Variants in EFHD2 observed in about 807,000 individuals in gnomAD.
The protein encoded by EFHD2 is EF-hand domain-containing protein D2.
A neutral mutation model predicts 20.3 loss-of-function variants in EFHD2; 12 were observed. The observed-to-expected ratio is 0.59, with a 90% CI of 0.38 to 0.96. The LOEUF (loss-of-function observed/expected upper bound fraction) is 0.96, where lower values mean the gene tolerates loss of function less well. EFHD2 is among the 40% of genes least tolerant of loss of function. The pLI is 0.00. For synonymous variants in EFHD2, 131 were observed against 143.9 expected (o/e 0.91, Z 0.64); for missense variants, 250 against 334.3 (o/e 0.75, Z 1.97).
At chr1:15,418,637 G>GCCA (rs149995215) in intron 1 of EFHD2, among the ~76,000 whole-genome samples, 5 of 47,030 alleles carry the variant, frequency 1.1e-4, no homozygotes, top group East Asian at 2.7e-3. Flanking sequence ...GCCAAGATAG[G>GCCA]CCCCCCCTTA....
chr1:15,420,025 G>A (rs1283565339), intron 1 of EFHD2, among the ~76,000 whole-genome samples: 5 of 152,086 alleles, frequency 3.3e-5, no homozygotes, highest in African/African-American at 1.2e-4. Flanking sequence ...TTAGAGGAGA[G>A]GTCATGCTGG....
intron 1 of EFHD2, among the ~76,000 whole-genome samples, chr1:15,417,682 A>G (rs1051600877): frequency 3.3e-5 from 5 of 152,208 alleles, no homozygotes; most frequent in Non-Finnish European, 5.9e-5. Flanking sequence ...GGCTTTCCCT[A>G]TATGAGTCAG....
At chr1:15,410,675 C>G (rs1707473799) in intron 1 of EFHD2, among the ~76,000 whole-genome samples, 1 of 151,954 alleles carries the variant, frequency 6.6e-6, no homozygotes. Context: ...CACCCCACAC[C>G]GCACACACCG....
At position 15,426,294 on chromosome 1, in the gene EFHD2, AC is replaced by A. The variant is rs1311043252; in HGVS notation, c.456+279del. On this transcript the variant is annotated intron_variant, in intron 2 of 3. Coordinates refer to ENST00000375980, the MANE Select transcript of EFHD2 (RefSeq NM_024329.6). The surrounding 1 kb of genome is among the most constrained non-coding windows in gnomAD (Gnocchi z 4.6). Reference sequence around the variant, plus strand: ...ATATTGAGCGATTTCTGTATACTTGACCCTGTGCAGGCTCTGGGGTAGAGAA... The same window carrying A: ...ATATTGAGCGATTTCTGTATACTTGACCTGTGCAGGCTCTGGGGTAGAGAA... Among the ~76,000 whole-genome samples, 1 of 151,790 alleles carries A rather than the reference AC, an allele frequency of 6.6e-6. No individual in the cohort carries two copies. The highest frequency in any genetic ancestry group is 1.5e-5 in the Non-Finnish European group (1 of 67,948).
At chr1:15,422,085 A>ATTTTTTTT (rs71000400) in intron 1 of EFHD2, among the ~76,000 whole-genome samples, 1 of 86,634 alleles carries the variant, frequency 1.2e-5, no homozygotes, top group Non-Finnish European at 2.2e-5. Context: ...AGGTCATTCC[A>ATTTTTTTT]TTTTTTTTTT....
At position 15,429,201 on chromosome 1, in the gene EFHD2, G is replaced by T. The variant is rs1707924690; in HGVS notation, c.*477G>T. The T allele has an allele frequency of 1.2e-5, 2 of 172,320 alleles. No individual in the cohort carries two copies. The highest frequency in any genetic ancestry group is 2.5e-5 in the Non-Finnish European group (2 of 80,136). 10.7% of individuals were successfully genotyped at this position (172,320 alleles called of 1,614,324 possible). On this transcript the variant is annotated 3_prime_UTR_variant, in exon 4 of 4. Transcript: ENST00000375980. ...AGACGGCAGAAGAGATAGAATCAGG[G>T]CTGCCCCCACAGAGTGGGACCCAAG...
intron 1 of EFHD2, among the ~76,000 whole-genome samples, chr1:15,417,986 T>TC (rs199590126): frequency 0.012 from 1,051 of 85,266 alleles, 50 homozygotes; most frequent in East Asian, 0.099. Context: ...TTTTTCTTTT[T>TC]TTTTTTTTTT....
At chr1:15,412,278 G>A (rs780942071) in intron 1 of EFHD2, among the ~76,000 whole-genome samples, 80 of 152,130 alleles carry the variant, frequency 5.3e-4, no homozygotes, top group African/African-American at 2.4e-4. Context: ...TGCCCCCATC[G>A]GGCAGTGCAG....
intron 1 of EFHD2, among the ~76,000 whole-genome samples, chr1:15,421,831 C>T (rs147747439): frequency 4.6e-4 from 70 of 152,308 alleles, no homozygotes; most frequent in African/African-American, 1.7e-3. Flanking sequence ...TGACCTAATC[C>T]GGACCTGGAG....
chr1:15,409,939 G>A lies in EFHD2; in HGVS notation c.-33G>A. The A allele has an allele frequency of 8.2e-7, 1 of 1,220,774 alleles. No homozygotes were observed. Among genetic ancestry groups the A allele is most frequent in the Non-Finnish European group, 1.0e-6 (1 of 983,682 alleles). 75.6% of individuals were successfully genotyped at this position (1,220,774 alleles called of 1,614,324 possible). ...CCGGCGGCGCTGCGCTGAGAGCAGGGGCCCGGCCAAGGCGAGTGCCGCGCG... is the reference window on the plus strand; with the variant it reads ...CCGGCGGCGCTGCGCTGAGAGCAGGAGCCCGGCCAAGGCGAGTGCCGCGCG... On this transcript the variant is annotated 5_prime_UTR_variant, in exon 1 of 4. Transcript: ENST00000375980.
At chr1:15,416,519 G>T (rs1707672753) in intron 1 of EFHD2, among the ~76,000 whole-genome samples, 2 of 152,192 alleles carry the variant, frequency 1.3e-5, no homozygotes, top group South Asian at 4.1e-4. Flanking sequence ...AGGGAGTCCT[G>T]AGCCACAGAC....
intron 1 of EFHD2, among the ~76,000 whole-genome samples, chr1:15,422,793 A>G (rs748866889): frequency 3.6e-4 from 55 of 152,168 alleles, no homozygotes; most frequent in Non-Finnish European, 6.9e-4. Context: ...CCCAGGAGGC[A>G]GAGCTTGCAG....
chr1:15,425,935 G>C lies in EFHD2; in HGVS notation c.373G>C (p.Gly125Arg), dbSNP rs1365897335. The change falls in exon 2 of 4, where the codon GGG (glycine) becomes CGG (arginine). Residue 125 changes from glycine (G) to arginine (R), a missense_variant. By Grantham distance (125) the Gly-to-Arg change is moderately radical. Coordinates refer to ENST00000375980, the MANE Select transcript of EFHD2 (RefSeq NM_024329.6). ...GCTAAAACTCATGATGGAGAAACTT[G>C]GGGCCCCTCAGACCCACCTGGGCCT... ...MELKLMMEKL[G>R]APQTHLGLKN... The C allele has an allele frequency of 6.2e-7, 1 of 1,605,864 alleles. No individual in the cohort carries two copies. Among genetic ancestry groups the C allele is most frequent in the East Asian group, 2.3e-5 (1 of 44,120 alleles).
intron 1 of EFHD2, among the ~76,000 whole-genome samples, chr1:15,415,596 C>T (rs143303386): frequency 0.013 from 1,943 of 150,416 alleles, 13 homozygotes; most frequent in Middle Eastern, 0.062. Context: ...TCAAGTGATT[C>T]TCCTGCTTCA....
rs765320058 is a variant in EFHD2 at position 15,427,190 on chromosome 1, A to C, written c.497A>C (p.Gln166Pro). ...IFRKAAAGEL[Q>P]EDSGLCVLAR... ...CGCAAGGCGGCGGCCGGGGAGCTTC[A>C]GGAGGACAGCGGGCTGTGCGTGCTG... Residue 166 changes from glutamine to proline, a missense_variant, in exon 3 of 4, where the codon CAG (glutamine) becomes CCG (proline). Transcript: ENST00000375980. The C allele has an allele frequency of 6.2e-7, 1 of 1,608,756 alleles. No homozygotes were observed. The highest frequency in any genetic ancestry group is 8.5e-7 in the Non-Finnish European group (1 of 1,178,020).
chr1:15,417,700 G>T (rs1038864974), intron 1 of EFHD2, among the ~76,000 whole-genome samples: 1 of 152,240 alleles, frequency 6.6e-6, no homozygotes, highest in Non-Finnish European at 1.5e-5. Flanking sequence ...CAGGCAGTCT[G>T]GGGGTGGGGA....
intron 1 of EFHD2, among the ~76,000 whole-genome samples, chr1:15,418,299 CTTTTTTTTTTTTT>C (rs764390342): frequency 1.3e-5 from 1 of 76,874 alleles, no homozygotes; most frequent in Non-Finnish European, 2.3e-5. Context: ...CGAGGAGCAA[CTTTTTTTTTTTTT>C]TTTTTTTTTT....
At chr1:15,425,533 A>G (rs1178229657) in intron 1 of EFHD2, among the ~76,000 whole-genome samples, 1 of 152,056 alleles carries the variant, frequency 6.6e-6, no homozygotes, top group Non-Finnish European at 1.5e-5. Context: ...TCAAAAAAAA[A>G]AAACCCAGAG....
Position 15,410,164 on chromosome 1 carries a change from C to G in EFHD2, c.193C>G (p.Leu65Val), listed in dbSNP as rs1411173394. The G allele has an allele frequency of 6.2e-7, 1 of 1,603,822 alleles. No homozygotes were observed. Among genetic ancestry groups the G allele is most frequent in the Non-Finnish European group, 8.5e-7 (1 of 1,176,444 alleles). Residue 65 changes from leucine (L) to valine (V), a missense_variant, in exon 1 of 4, where the codon CTC (leucine) becomes GTC (valine). Physicochemically the swap from Leu to Val is conservative, Grantham distance 32. This residue lies in a region of EFHD2 where 143 missense variants were observed against 190.6 expected (regional missense o/e 0.75). Coordinates refer to ENST00000375980, the MANE Select transcript of EFHD2 (RefSeq NM_024329.6). ...LSAKLLRRAD[L>V]NQGIGEPQSP... Reference sequence around the variant, plus strand: ...CGCCAAGCTGCTGCGGCGCGCAGACCTCAACCAGGGCATCGGCGAGCCCCA... The same window carrying G: ...CGCCAAGCTGCTGCGGCGCGCAGACGTCAACCAGGGCATCGGCGAGCCCCA...
Sources: gnomAD v4.1 joint callset for allele counts (sites outside exome capture counted in the v4.1 genomes callset) on GRCh38, gnomAD v4.1.1 for gene constraint, gnomAD v4.1.1 regional missense constraint, Gnocchi (gnomAD v3.1) non-coding constraint, MANE v1.5 for transcripts, NCBI Gene and HGNC (gene_info 2026-07-23, HGNC 2026-07-21) for gene names.